The following PLB1 variants were observed in gnomAD, a reference collection of about 807,000 sequenced individuals.
The protein encoded by PLB1 is phospholipase B1, also known as phospholipase B1, membrane-associated.
A neutral mutation model predicts 227.4 loss-of-function variants in PLB1; 242 were observed. The observed-to-expected ratio is 1.06, with a 90% CI of 0.96 to 1.18. The LOEUF is 1.18. PLB1 is among the 50% of genes most tolerant of loss of function. PLB1 has a pLI of 0.00. For missense variants in PLB1, 1,858 were observed against 1,816.3 expected (o/e 1.02, Z -0.42); for synonymous variants, 757 against 682.2 (o/e 1.11, Z -1.71).
At position 28,601,470 on chromosome 2, in the gene PLB1, C is replaced by CACACACACAA. The variant is rs1491507393; in HGVS notation, c.2607+147_2607+148insAACACACACA. ...CCTATGTCTGCACATATACACATACCACACACACACACACACACACACACA... is the reference window on the plus strand; with the variant it reads ...CCTATGTCTGCACATATACACATACCACACACACAAACACACACACACACACACACACACA... On this transcript the variant is annotated intron_variant, in intron 37 of 57. Coordinates refer to ENST00000327757, the MANE Select transcript of PLB1 (RefSeq NM_153021.5). 5 of 194,652 alleles carry CACACACACAA rather than the reference C, an allele frequency of 2.6e-5. No individual in the cohort carries two copies. The African/African-American group carries it at 5.9e-4, about 23-fold the overall frequency. 12.1% of individuals were successfully genotyped at this position (194,652 alleles called of 1,614,324 possible).
chr2:28,498,953 C>A (rs1666780376), intron 1 of PLB1, among the ~76,000 whole-genome samples: 1 of 152,138 alleles, frequency 6.6e-6, no homozygotes, highest in Non-Finnish European at 1.5e-5. Context: ...GACATCTTTA[C>A]AATATTGAGT....
At chr2:28,593,569 T>C (rs1573263782) in intron 32 of PLB1, 112 bp from the exon 33 acceptor site, 4 of 846,808 alleles carry the variant, frequency 4.7e-6, no homozygotes, top group Non-Finnish European at 7.8e-6. Context: ...CCATGTCTGC[T>C]CCTGCCACCA....
At chr2:28,567,396 GAC>G (rs1677154392) in intron 20 of PLB1, among the ~76,000 whole-genome samples, 1 of 151,346 alleles carries the variant, frequency 6.6e-6, no homozygotes, top group Admixed American at 6.6e-5. Context: ...AGGCTGTGCA[GAC>G]ACAGCCATTT....
chr2:28,533,028 C>G (rs547372130), intron 9 of PLB1, among the ~76,000 whole-genome samples: 1 of 152,358 alleles, frequency 6.6e-6, no homozygotes, highest in East Asian at 1.9e-4. Context: ...TGCTGCCACA[C>G]TGTCCCTGCC....
chr2:28,615,099 A>C (rs186424860), intron 44 of PLB1, among the ~76,000 whole-genome samples: 19 of 152,290 alleles, frequency 1.2e-4, no homozygotes, highest in Non-Finnish European at 2.4e-4. Flanking sequence ...ATGCATAATG[A>C]GGAGACACTT....
chr2:28,628,929 C>T (rs145312420), intron 52 of PLB1, among the ~76,000 whole-genome samples, 165 bp from the exon 53 acceptor site: 640 of 152,298 alleles, frequency 4.2e-3, no homozygotes, highest in Middle Eastern at 0.021. Context: ...TAAAGCGGGG[C>T]CACTCAAGAA....
chr2:28,528,161 C>T (rs1043548772), intron 6 of PLB1, among the ~76,000 whole-genome samples: 1 of 152,212 alleles, frequency 6.6e-6, no homozygotes, highest in Non-Finnish European at 1.5e-5. Flanking sequence ...TCCAGGCCAG[C>T]TCTCCCACCC....
At chr2:28,630,494 A>AGT in intron 53 of PLB1, 92 bp from the exon 54 acceptor site, 2 of 1,058,580 alleles carry the variant, frequency 1.9e-6, no homozygotes. Flanking sequence ...CCCCTGGGGT[A>AGT]GTGGCCTGCT....
In PLB1 at chr2:28,518,530, C is replaced by G; in HGVS notation, c.182C>G (p.Ser61Ter). The change falls in exon 3 of 58, where the codon TCA (serine) becomes TGA (stop). Residue 61 changes from serine to a stop codon, truncating the protein, a stop_gained and splice_region_variant. Transcript: ENST00000327757. LOFTEE classifies it high-confidence loss of function. ...NKLGVNMPSK[S>*]VHSLKPSDIK... ...TTAGGAGTGAATATGCCTTCTAAAT[C>G]AGGTATGTAACCCTTGGCCATGAGC... is the stretch of plus-strand genomic sequence containing the variant. 6.2e-7 allele frequency: 1 copy of G among 1,609,770 alleles called. No homozygotes were observed. The highest frequency in any genetic ancestry group is 1.1e-5 in the South Asian group (1 of 90,970).
At chr2:28,635,118 T>C (rs932227372) in intron 56 of PLB1, among the ~76,000 whole-genome samples, 4 of 152,270 alleles carry the variant, frequency 2.6e-5, no homozygotes, top group African/African-American at 7.2e-5. Context: ...GCCATTATTA[T>C]CTCAGCCATA....
chr2:28,567,633 C>G (rs1394593267), intron 20 of PLB1, among the ~76,000 whole-genome samples: 4 of 151,918 alleles, frequency 2.6e-5, no homozygotes, highest in Non-Finnish European at 4.4e-5. Context: ...GCCACCACAC[C>G]CAGCTAATTT....
At chr2:28,556,421 TC>T (rs1345304917) in intron 17 of PLB1, among the ~76,000 whole-genome samples, 6 of 152,172 alleles carry the variant, frequency 3.9e-5, no homozygotes, top group Admixed American at 3.9e-4. Flanking sequence ...TTTTTTATAA[TC>T]AGTTGGTATT....
chr2:28,608,653 C>T (rs1454553780), intron 43 of PLB1, among the ~76,000 whole-genome samples: 3 of 152,202 alleles, frequency 2.0e-5, no homozygotes, highest in African/African-American at 7.2e-5. Flanking sequence ...GCTCTCTGCC[C>T]ACTCCTTTCC....
intron 18 of PLB1, 142 bp from the exon 19 acceptor site, chr2:28,565,138 A>T: frequency 3.1e-6 from 2 of 642,072 alleles, no homozygotes; most frequent in Non-Finnish European, 5.6e-6. Context: ...ACATATGGAG[A>T]CATGGTGCCA....
At chr2:28,608,021 C>T (rs190751875) in intron 43 of PLB1, among the ~76,000 whole-genome samples, 1 of 152,326 alleles carries the variant, frequency 6.6e-6, no homozygotes, top group East Asian at 1.9e-4. Flanking sequence ...TACCCCAGAT[C>T]AGGCAGAGAC....
intron 16 of PLB1, 87 bp downstream of exon 16, chr2:28,550,171 T>TG: frequency 2.5e-6 from 1 of 396,964 alleles, no homozygotes; most frequent in African/African-American, 3.0e-5. Context: ...TTCCACGTGG[T>TG]TTTTTTTTTT....
intron 21 of PLB1, among the ~76,000 whole-genome samples, chr2:28,573,728 G>A (rs1207411044): frequency 6.6e-6 from 1 of 152,218 alleles, no homozygotes; most frequent in Non-Finnish European, 1.5e-5. Flanking sequence ...TACCAGCCCT[G>A]GGAGGGGAGG....
chr2:28,568,345 C>T (rs957546135), intron 20 of PLB1, among the ~76,000 whole-genome samples: 3 of 152,242 alleles, frequency 2.0e-5, no homozygotes, highest in Non-Finnish European at 2.9e-5. Flanking sequence ...GGCTTCACCT[C>T]TTTCACCAAA....
intron 28 of PLB1, 74 bp from the exon 29 acceptor site, chr2:28,589,931 C>A: frequency 6.9e-7 from 1 of 1,456,562 alleles, no homozygotes. Context: ...CCTCCCGCAC[C>A]CCTGACCTGC....
Sources: allele counts gnomAD v4.1 joint callset (sites outside exome capture counted in the v4.1 genomes callset), GRCh38; gene constraint gnomAD v4.1.1; transcripts MANE v1.5; gene names NCBI Gene and HGNC (gene_info 2026-07-23, HGNC 2026-07-21).